SAP130: variants seen among roughly 807,000 people sequenced by gnomAD.
SAP130 encodes the protein histone deacetylase complex subunit SAP130.
A neutral mutation model predicts 103.2 loss-of-function variants in SAP130; 16 were observed. The observed-to-expected ratio is 0.16, with a 90% CI of 0.10 to 0.24. The LOEUF (loss-of-function observed/expected upper bound fraction) is 0.24, where lower values mean the gene tolerates loss of function less well. SAP130 is among the 10% of genes least tolerant of loss of function. The probability of loss-of-function intolerance (pLI) is 1.00; values close to 1 mark genes in which losing one functional copy is unlikely to be tolerated. For missense variants in SAP130, 990 were observed against 1,359.7 expected, an observed-to-expected ratio of 0.73 and a Z score of 4.28; for synonymous variants, 477 against 497.0, an observed-to-expected ratio of 0.96 and a Z score of 0.53.
At chr2:128,027,570 C>T (rs1323515529) in intron 1 of SAP130, among the ~76,000 whole-genome samples, 1 of 151,888 alleles carries the variant, frequency 6.6e-6, no homozygotes, top group Non-Finnish European at 1.5e-5. Context: ...GCGCAGGGCC[C>T]GGATGTGGAG....
At chr2:127,950,039 A>G in intron 17 of SAP130, 45 bp from the exon 18 acceptor site, 2 of 1,611,068 alleles carry the variant, frequency 1.2e-6, no homozygotes, top group Non-Finnish European at 1.7e-6. Flanking sequence ...ACTGTCAACA[A>G]TCCTCAAAGT....
chr2:127,953,363 C>T lies in SAP130; in HGVS notation c.2422+1623G>A, dbSNP rs1396813946. Among the ~76,000 whole-genome samples, 1 of 152,234 alleles carries T rather than the reference C, an allele frequency of 6.6e-6. No individual in the cohort carries two copies. The highest frequency in any genetic ancestry group is 1.5e-5 in the Non-Finnish European group (1 of 68,046). On this transcript the variant is annotated intron_variant, in intron 16 of 20. Transcript: ENST00000643581. This position sits in a 1 kb window ranked among gnomAD's most constrained non-coding sequence, Gnocchi z 4.0. ...CCTTCATTGCTCCTGGCAATTAATG[C>T]AACAGCCGCTTGACAGGTCTCCCCG...
chr2:128,009,104 CCTT>C (rs1684198332), intron 7 of SAP130, among the ~76,000 whole-genome samples: 1 of 152,160 alleles, frequency 6.6e-6, no homozygotes, highest in Non-Finnish European at 1.5e-5. Context: ...TGACTCCTCT[CCTT>C]CTTTCACACT....
intron 13 of SAP130, 63 bp from the exon 14 acceptor site, chr2:127,987,025 A>C (rs1030909924): frequency 1.4e-6 from 2 of 1,432,346 alleles, no homozygotes; most frequent in Non-Finnish European, 1.9e-6. Flanking sequence ...CATAGAAGAC[A>C]TAAATAAAAA....
In SAP130 at chr2:127,986,489, A is replaced by G. The variant is rs566883590; in HGVS notation, c.1958+296T>C. Among the ~76,000 whole-genome samples, 56 of 152,354 alleles carry G rather than the reference A, an allele frequency of 3.7e-4. No homozygotes were observed. Among genetic ancestry groups the G allele is most frequent in the African/African-American group, 1.3e-3 (52 of 41,580 alleles). Reference sequence around the variant, plus strand: ...TACACAAGCCCAAGAGTTACTTATAAACTACTTTAAAAGTTCTATGATTGA... The same window carrying G: ...TACACAAGCCCAAGAGTTACTTATAGACTACTTTAAAAGTTCTATGATTGA... On this transcript the variant is annotated intron_variant, in intron 14 of 20. Coordinates refer to ENST00000643581, the MANE Select transcript of SAP130 (RefSeq NM_001330301.2). The surrounding 1 kb of genome is among the most constrained non-coding windows in gnomAD (Gnocchi z 4.7).
intron 14 of SAP130, among the ~76,000 whole-genome samples, chr2:127,982,023 A>G (rs1681973781): frequency 6.6e-6 from 1 of 152,144 alleles, no homozygotes; most frequent in African/African-American, 2.4e-5. Context: ...TTGTTTCTTG[A>G]CCTATACAGT....
In SAP130 at chr2:127,986,764, G is replaced by A. The variant is rs1682427309; in HGVS notation, c.1958+21C>T. On this transcript the variant is annotated intron_variant, in intron 14 of 20. Coordinates refer to ENST00000643581, the MANE Select transcript of SAP130 (RefSeq NM_001330301.2). This position sits in a 1 kb window ranked among gnomAD's most constrained non-coding sequence, Gnocchi z 4.7. ...ATATCCAGAACCAGAGGTGTCATTC[G>A]GCACTACCAGGTCTACTCACCCATC... 5.6e-6 allele frequency: 9 copies of A among 1,606,824 alleles called. No homozygotes were observed. Among genetic ancestry groups the A allele is most frequent in the Non-Finnish European group, 7.7e-6 (9 of 1,174,628 alleles).
intron 15 of SAP130, 72 bp downstream of exon 15, chr2:127,977,913 A>G: frequency 8.9e-7 from 1 of 1,118,818 alleles, no homozygotes; most frequent in African/African-American, 1.5e-5. Flanking sequence ...GTCATGCAGG[A>G]ATATTAGACT....
At chr2:127,987,914 T>C (rs372090372) in intron 13 of SAP130, among the ~76,000 whole-genome samples, 1 of 152,192 alleles carries the variant, frequency 6.6e-6, no homozygotes, top group Non-Finnish European at 1.5e-5. Context: ...ATACCTGTGT[T>C]TGACAGTTTT....
intron 16 of SAP130, 24 bp from the exon 17 acceptor site, chr2:127,950,432 A>C: frequency 1.2e-6 from 2 of 1,611,998 alleles, no homozygotes; most frequent in Non-Finnish European, 1.7e-6. Context: ...AGGAGCACAC[A>C]TATCTGTAAG....
intron 15 of SAP130, among the ~76,000 whole-genome samples, chr2:127,963,001 A>G (rs1483992960): frequency 1.4e-5 from 2 of 138,314 alleles, no homozygotes; most frequent in African/African-American, 5.8e-5. Context: ...TTGTATATAA[A>G]TGTCTGAAAA....
intron 14 of SAP130, among the ~76,000 whole-genome samples, chr2:127,982,234 T>TA (rs926243212): frequency 6.6e-6 from 1 of 151,532 alleles, no homozygotes; most frequent in Non-Finnish European, 1.5e-5. Flanking sequence ...GGATATTTCA[T>TA]ACAGAAGAAA....
intron 8 of SAP130, 43 bp from the exon 9 acceptor site, chr2:128,000,189 A>G: frequency 6.2e-7 from 1 of 1,610,062 alleles, no homozygotes; most frequent in Non-Finnish European, 8.5e-7. Context: ...AACATTATCC[A>G]CTGCGTCCAG....
chr2:127,980,550 A>G (rs2104939417), intron 14 of SAP130, among the ~76,000 whole-genome samples: 1 of 152,340 alleles, frequency 6.6e-6, no homozygotes, highest in South Asian at 2.1e-4. Flanking sequence ...ATCAAAAGTC[A>G]TGCACAAAAA....
chr2:127,947,764 C>CTGTG (rs1553500423), intron 18 of SAP130, among the ~76,000 whole-genome samples: 3,801 of 143,364 alleles, frequency 0.027, 80 homozygotes, highest in South Asian at 0.03. Context: ...TTGTGTGTGT[C>CTGTG]TGTGTGTGTG....
chr2:127,999,916 T>C (rs1407605438), intron 9 of SAP130, 71 bp from the exon 10 acceptor site: 12 of 1,436,258 alleles, frequency 8.4e-6, no homozygotes, highest in African/African-American at 1.4e-5. Context: ...CTCAAAAACC[T>C]GGGAAATCTC....
rs867691127 is a variant in SAP130, at chr2:127,968,126, T to A, written c.2063+9859A>T. 1.8e-4 allele frequency among the ~76,000 whole-genome samples: 28 copies of A among 151,728 alleles called. No individual in the cohort carries two copies. In the Middle Eastern group the frequency reaches 0.01, roughly 55 times the overall value. On this transcript the variant is annotated intron_variant, in intron 15 of 20. Transcript: ENST00000643581. ...AGTAAAGCATTTTTTTTTTTTTTTT[T>A]AGGCAGAGTTTCACTCTTATTGCCC...
In SAP130 at chr2:127,955,262, CATT is replaced by C. The variant is rs1679758720; in HGVS notation, c.2143_2145del (p.Asn715del). 7 of 1,613,810 alleles carry C rather than the reference CATT, an allele frequency of 4.3e-6. No homozygotes were observed. In the East Asian group the frequency reaches 1.3e-4, roughly 31 times the overall value. ...GGAGGGACGGCAATGGTAGGCTGAT[CATT>C]ATTTTGATTGGATACAGTCTCCATG... On this transcript the variant is annotated inframe_deletion, in exon 16 of 21. Transcript: ENST00000643581. The surrounding 1 kb of genome is among the most constrained non-coding windows in gnomAD (Gnocchi z 4.9).
intron 5 of SAP130, 52 bp from the exon 6 acceptor site, chr2:128,013,206 A>G: frequency 1.3e-6 from 2 of 1,501,820 alleles, no homozygotes; most frequent in South Asian, 1.3e-5. Flanking sequence ...TTCCCTGGGA[A>G]AATAATCAGT....
Sources: allele counts gnomAD v4.1 joint callset (sites outside exome capture counted in the v4.1 genomes callset), GRCh38; gene constraint gnomAD v4.1.1; non-coding constraint Gnocchi (gnomAD v3.1); transcripts MANE v1.5; gene names NCBI Gene and HGNC (gene_info 2026-07-23, HGNC 2026-07-21).